Variants in ATP10A observed in about 807,000 individuals in gnomAD.
ATP10A encodes the protein ATPase phospholipid transporting 10A (putative), also known as phospholipid-transporting ATPase VA.
ATP10A carries 111 observed loss-of-function variants against 147.8 expected under a neutral mutation model. That is an observed-to-expected ratio of 0.75 (90% confidence interval 0.64 to 0.88). ATP10A has a LOEUF of 0.88. Ranked by LOEUF, ATP10A falls within the 40% of genes least tolerant of loss-of-function variation. ATP10A has a pLI of 0.00. For synonymous variants in ATP10A, 875 were observed against 841.6 expected, an observed-to-expected ratio of 1.04 and a Z score of -0.69; for missense variants, 1,927 against 1,959.0, an observed-to-expected ratio of 0.98 and a Z score of 0.31.
intron 13 of ATP10A, among the ~76,000 whole-genome samples, chr15:25,699,957 A>G (rs1401193880): frequency 6.6e-6 from 1 of 152,210 alleles, no homozygotes; most frequent in Non-Finnish European, 1.5e-5. Context: ...TTAAAAAATA[A>G]AGAAGATAGG....
At position 25,726,308 on chromosome 15, in the gene ATP10A, C is replaced by A. The variant is rs11161211; in HGVS notation, c.848-226G>T. Among the ~76,000 whole-genome samples, 4,026 of 152,014 alleles carry A rather than the reference C, an allele frequency of 0.026. 72 individuals are homozygous for A. The highest frequency in any genetic ancestry group is 0.041 in the Middle Eastern group (12 of 294). ...ATACATATATAATGACTGTGGAGAA[C>A]GAAATGGAAAGAAATACACTACCGT... On this transcript the variant is annotated intron_variant, in intron 4 of 20. Transcript: ENST00000555815.
rs1318611204 is a variant in ATP10A at position 25,718,515 on chromosome 15, T to A, written c.1364-116A>T. ...CTTCCGGCAGGGCAGCCCCACAGGATTCACCACCCTTGCTCTCTAATAGCA... is the reference window on the plus strand; with the variant it reads ...CTTCCGGCAGGGCAGCCCCACAGGAATCACCACCCTTGCTCTCTAATAGCA... On this transcript the variant is annotated intron_variant, in intron 7 of 20. Coordinates refer to ENST00000555815, the MANE Select transcript of ATP10A (RefSeq NM_024490.4). 4.8e-6 allele frequency: 5 copies of A among 1,038,050 alleles called. No individual in the cohort carries two copies. In the East Asian group the frequency reaches 1.3e-4, roughly 27 times the overall value. The allele number at this position is 1,038,050 out of a possible 1,614,324, so 64.3% of individuals were successfully genotyped here. A position where few individuals can be genotyped will look rare whatever the true frequency, so the allele number is the denominator to read the frequency against.
intron 2 of ATP10A, among the ~76,000 whole-genome samples, chr15:25,780,611 C>T (rs1433200704): frequency 6.6e-6 from 1 of 152,178 alleles, no homozygotes; most frequent in African/African-American, 2.4e-5. Context: ...CGCGCTGAAC[C>T]CAAACACCCT....
intron 8 of ATP10A, 112 bp downstream of exon 8, chr15:25,718,070 C>T: frequency 1.7e-6 from 2 of 1,192,312 alleles, no homozygotes; most frequent in South Asian, 1.5e-5. Context: ...AGCCAAGCCG[C>T]CCAGCGACAG....
chr15:25,843,232 C>T (rs1376330634), intron 1 of ATP10A, among the ~76,000 whole-genome samples: 2 of 147,880 alleles, frequency 1.4e-5, no homozygotes, highest in Non-Finnish European at 3.0e-5. Context: ...CCCCACCCCC[C>T]ACCCCCACCG....
intron 1 of ATP10A, among the ~76,000 whole-genome samples, chr15:25,859,775 G>A (rs1044739688): frequency 1.1e-4 from 16 of 152,154 alleles, no homozygotes; most frequent in Non-Finnish European, 1.9e-4. Flanking sequence ...CAAGGATGGT[G>A]TCACTGAAAA....
chr15:25,838,106 T>C (rs1032492016), intron 1 of ATP10A, among the ~76,000 whole-genome samples: 6 of 152,234 alleles, frequency 3.9e-5, no homozygotes, highest in Non-Finnish European at 8.8e-5. Flanking sequence ...ATCCAACGTG[T>C]AGAGCAATGA....
At chr15:25,711,090 G>C (rs1011626943) in intron 10 of ATP10A, among the ~76,000 whole-genome samples, 2 of 152,134 alleles carry the variant, frequency 1.3e-5, no homozygotes, top group South Asian at 2.1e-4. Context: ...ACAGAGATCT[G>C]TGAGAATGGG....
At chr15:25,749,819 C>T (rs1888052350) in intron 2 of ATP10A, among the ~76,000 whole-genome samples, 1 of 152,046 alleles carries the variant, frequency 6.6e-6, no homozygotes, top group Non-Finnish European at 1.5e-5. Flanking sequence ...GAGATGAAAG[C>T]TACAATATCT....
intron 3 of ATP10A, among the ~76,000 whole-genome samples, chr15:25,733,925 C>G (rs1887110843): frequency 6.6e-6 from 1 of 152,212 alleles, no homozygotes; most frequent in South Asian, 2.1e-4. Flanking sequence ...GCTGGAGAAG[C>G]CCCGGTGGGC....
At chr15:25,818,167 A>T (rs921137512) in intron 1 of ATP10A, among the ~76,000 whole-genome samples, 4 of 152,158 alleles carry the variant, frequency 2.6e-5, no homozygotes. Context: ...GAAACACATA[A>T]ATATCTCATA....
Position 25,726,073 on chromosome 15 carries a change from G to C in ATP10A, c.857C>G (p.Thr286Ser). 26 of 1,613,844 alleles carry C rather than the reference G, an allele frequency of 1.6e-5. No individual in the cohort carries two copies. The highest frequency in any genetic ancestry group is 2.2e-5 in the Non-Finnish European group (26 of 1,179,870). The change falls in exon 5 of 21, where the codon ACC (threonine) becomes AGC (serine). Residue 286 changes from threonine (T) to serine (S), a missense_variant. Coordinates refer to ENST00000555815, the MANE Select transcript of ATP10A (RefSeq NM_024490.4). ...VGIVIYAGHE[T>S]KALLNNSGPR... ...CCCACTGTTGTTCAGCAGAGCCTTG[G>C]TTTCATGTCCTGTCGGGGAGGACAA...
chr15:25,839,698 A>C (rs1485259145), intron 1 of ATP10A, among the ~76,000 whole-genome samples: 1 of 152,106 alleles, frequency 6.6e-6, no homozygotes. Context: ...CTGACTCCTT[A>C]CCATTAATAA....
downstream of ATP10A, chr15:25,677,605 A>G (rs528976813): frequency 6.6e-6 from 1 of 152,306 alleles, no homozygotes; most frequent in African/African-American, 2.4e-5. Flanking sequence ...TCACCTTCCA[A>G]AGGAGATTCT....
At chr15:25,763,557 T>C (rs1040875312) in intron 2 of ATP10A, among the ~76,000 whole-genome samples, 10 of 152,182 alleles carry the variant, frequency 6.6e-5, no homozygotes, top group Non-Finnish European at 1.3e-4. Context: ...GGATTAAAGA[T>C]TGTTTCTGTG....
intron 1 of ATP10A, among the ~76,000 whole-genome samples, chr15:25,844,871 T>C (rs1892950140): frequency 6.6e-6 from 1 of 152,178 alleles, no homozygotes; most frequent in Non-Finnish European, 1.5e-5. Context: ...CTTCAGCTTG[T>C]CTTAAATGAC....
intron 13 of ATP10A, among the ~76,000 whole-genome samples, chr15:25,696,302 C>T (rs1900335184): frequency 6.6e-6 from 1 of 152,240 alleles, no homozygotes; most frequent in African/African-American, 2.4e-5. Flanking sequence ...TGCACACACA[C>T]TCATGGCTGC....
chr15:25,750,112 C>T (rs1436639786), intron 2 of ATP10A, among the ~76,000 whole-genome samples: 1 of 151,814 alleles, frequency 6.6e-6, no homozygotes, highest in Non-Finnish European at 1.5e-5. Context: ...ATCCAAGAAT[C>T]TCAAACCCCC....
chr15:25,746,211 C>T (rs1887837539), intron 2 of ATP10A, among the ~76,000 whole-genome samples: 2 of 151,908 alleles, frequency 1.3e-5, no homozygotes, highest in South Asian at 4.2e-4. Context: ...GCTAGCGTGC[C>T]TGTATTAATA....
Sources: allele counts gnomAD v4.1 joint callset (sites outside exome capture counted in the v4.1 genomes callset), GRCh38; gene constraint gnomAD v4.1.1; transcripts MANE v1.5; gene names NCBI Gene and HGNC (gene_info 2026-07-23, HGNC 2026-07-21).